Variants in CDH23 observed in about 807,000 individuals in gnomAD.
CDH23 encodes cadherin related 23, also known as cadherin-23.
A neutral mutation model predicts 317.1 loss-of-function variants in CDH23; 189 were observed. The ratio of observed to expected loss-of-function variants is 0.60; its 90% CI spans 0.53 to 0.67. The LOEUF is 0.67. Ranked by LOEUF, CDH23 falls within the 30% of genes least tolerant of loss-of-function variation. The pLI is 0.00. For missense variants in CDH23, 4,401 were observed against 4,592.4 expected (o/e 0.96, Z 1.20); for synonymous variants, 1,839 against 1,876.8 (o/e 0.98, Z 0.52).
intron 44 of CDH23, among the ~76,000 whole-genome samples, chr10:71,788,247 A>G (rs1318280923): frequency 2.6e-5 from 4 of 151,870 alleles, no homozygotes; most frequent in Non-Finnish European, 5.9e-5. Flanking sequence ...ACAGGGTTTC[A>G]CCATATTGGC....
At chr10:71,469,611 C>G (rs10999831) in intron 3 of CDH23, among the ~76,000 whole-genome samples, 2,719 of 66,388 alleles carry the variant, frequency 0.041, 54 homozygotes, top group African/African-American at 0.099. Flanking sequence ...TGTGTCCCCC[C>G]CTTGTTTTTT....
intron 6 of CDH23, among the ~76,000 whole-genome samples, chr10:71,526,330 C>T (rs960387059): frequency 6.6e-6 from 1 of 152,242 alleles, no homozygotes; most frequent in Admixed American, 6.5e-5. Flanking sequence ...ACCTGTGGCT[C>T]TCCACGTGGG....
chr10:71,641,334 G>A (rs1862541553), intron 11 of CDH23, among the ~76,000 whole-genome samples: 1 of 152,122 alleles, frequency 6.6e-6, no homozygotes, highest in Non-Finnish European at 1.5e-5. Context: ...AGGGAGAGGA[G>A]GGCAGCACCG....
rs76698362 is a variant in CDH23, at chr10:71,671,207, G to A, written c.1450-3905G>A. Among the ~76,000 whole-genome samples, 780 of 152,046 alleles carry A rather than the reference G, an allele frequency of 5.1e-3. 6 individuals carry two copies. The highest frequency in any genetic ancestry group is 0.027 in the Middle Eastern group (8 of 294). ...ACTCCTGACCTCAAGTGACCCATCCGCCTCGGCCTCCCAAACCAAAGTGCT... is the reference window on the plus strand; with the variant it reads ...ACTCCTGACCTCAAGTGACCCATCCACCTCGGCCTCCCAAACCAAAGTGCT... On this transcript the variant is annotated intron_variant, in intron 14 of 69. Coordinates refer to ENST00000224721, the MANE Select transcript of CDH23 (RefSeq NM_022124.6).
At chr10:71,706,697 G>A (rs531011637) in intron 25 of CDH23, among the ~76,000 whole-genome samples, 200 bp from the exon 26 acceptor site, 1 of 152,340 alleles carries the variant, frequency 6.6e-6, no homozygotes, top group Admixed American at 6.5e-5. Context: ...CTGGAGCACT[G>A]GTGGGCCTGG....
intron 3 of CDH23, among the ~76,000 whole-genome samples, chr10:71,506,306 T>A (rs1462877108): frequency 1.3e-5 from 2 of 152,288 alleles, no homozygotes; most frequent in East Asian, 1.9e-4. Flanking sequence ...GTGGAATTAG[T>A]GGTGATGGTT....
intron 6 of CDH23, among the ~76,000 whole-genome samples, chr10:71,539,436 C>T (rs1224651557): frequency 6.6e-6 from 1 of 152,022 alleles, no homozygotes; most frequent in East Asian, 1.9e-4. Context: ...GGACCACTTG[C>T]TTTTCTCTCT....
intron 6 of CDH23, among the ~76,000 whole-genome samples, chr10:71,531,595 A>T (rs1204784393): frequency 6.6e-6 from 1 of 151,944 alleles, no homozygotes; most frequent in African/African-American, 2.4e-5. Context: ...GGCATGGCTT[A>T]CCCTTCCCAG....
At chr10:71,530,070 C>A (rs1316273817) in intron 6 of CDH23, among the ~76,000 whole-genome samples, 1 of 150,382 alleles carries the variant, frequency 6.6e-6, no homozygotes, top group East Asian at 2.0e-4. Context: ...CACACACACA[C>A]TCTCCCCAGA....
intron 6 of CDH23, among the ~76,000 whole-genome samples, chr10:71,564,169 C>T (rs1857273391): frequency 6.6e-6 from 1 of 152,186 alleles, no homozygotes; most frequent in Non-Finnish European, 1.5e-5. Flanking sequence ...TGCACCTGGC[C>T]CCATAAAGCA....
intron 9 of CDH23, among the ~76,000 whole-genome samples, chr10:71,592,601 T>C (rs1859567423): frequency 6.6e-6 from 1 of 152,162 alleles, no homozygotes; most frequent in Non-Finnish European, 1.5e-5. Context: ...TGTAGTCAAA[T>C]TTCCCCCTGC....
At chr10:71,560,848 C>T (rs1189487253) in intron 6 of CDH23, among the ~76,000 whole-genome samples, 1 of 151,952 alleles carries the variant, frequency 6.6e-6, no homozygotes, top group Non-Finnish European at 1.5e-5. Context: ...TTATAACAGG[C>T]TCTGTAATAA....
At chr10:71,753,701 C>A (rs1840063323) in intron 38 of CDH23, 1 of 452,802 alleles carries the variant, frequency 2.2e-6, no homozygotes. Context: ...CTCTTTCATG[C>A]AGCACCCCAT....
At chr10:71,703,794 C>T (rs1055608519) in intron 24 of CDH23, among the ~76,000 whole-genome samples, 1 of 152,218 alleles carries the variant, frequency 6.6e-6, no homozygotes, top group Non-Finnish European at 1.5e-5. Context: ...AGTCGGTCCC[C>T]GAGGAAGCCC....
At chr10:71,750,363 G>T (rs1227093595) in intron 38 of CDH23, 1 of 151,596 alleles carries the variant, frequency 6.6e-6, no homozygotes, top group Non-Finnish European at 1.5e-5. Context: ...TTCATACTCA[G>T]AAGTGTCCCA....
In CDH23 at chr10:71,702,710, C is replaced by T. The variant is rs1404261502; in HGVS notation, c.2733+16C>T. 1.2e-6 allele frequency: 2 copies of T among 1,613,366 alleles called. No homozygotes were observed. Among genetic ancestry groups the T allele is most frequent in the Admixed American group, 1.7e-5 (1 of 60,016 alleles). On this transcript the variant is annotated intron_variant, in intron 24 of 69. Transcript: ENST00000224721. ...CATCTACCAAGTGAGTCTCTATCATCTCATTCCTACCAGCCCAGAGGTGGG... is the reference window on the plus strand; with the variant it reads ...CATCTACCAAGTGAGTCTCTATCATTTCATTCCTACCAGCCCAGAGGTGGG...
At chr10:71,684,439 C>A (rs35188551) in intron 18 of CDH23, among the ~76,000 whole-genome samples, 65 of 152,112 alleles carry the variant, frequency 4.3e-4, no homozygotes, top group Middle Eastern at 6.8e-3. Flanking sequence ...CTCCACCCCC[C>A]CTGGAGACAC....
At chr10:71,503,543 AT>A (rs1853461662) in intron 3 of CDH23, among the ~76,000 whole-genome samples, 1 of 152,142 alleles carries the variant, frequency 6.6e-6, no homozygotes, top group African/African-American at 2.4e-5. Context: ...TGCCTCCAGG[AT>A]GTCAATCCCT....
chr10:71,422,993 C>T (rs1399413345), intron 1 of CDH23, among the ~76,000 whole-genome samples: 1 of 151,498 alleles, frequency 6.6e-6, no homozygotes, highest in Non-Finnish European at 1.5e-5. Flanking sequence ...CCCTCTTTCC[C>T]TCTCTCTCCC....
Sources: gnomAD v4.1 joint callset for allele counts (sites outside exome capture counted in the v4.1 genomes callset) on GRCh38, gnomAD v4.1.1 for gene constraint, MANE v1.5 for transcripts, NCBI Gene and HGNC (gene_info 2026-07-23, HGNC 2026-07-21) for gene names.